Variants in GPR158 observed in about 807,000 individuals in gnomAD.
GPR158 encodes the protein G protein-coupled receptor 158.
Under a neutral mutation model 78.2 loss-of-function variants are expected in GPR158, and 30 were observed. The ratio of observed to expected loss-of-function variants is 0.38; its 90% CI spans 0.29 to 0.52. The LOEUF (loss-of-function observed/expected upper bound fraction) is 0.52, where lower values mean the gene tolerates loss of function less well. Ranked by LOEUF, GPR158 falls within the 20% of genes least tolerant of loss-of-function variation. The probability of loss-of-function intolerance (pLI) is 0.83; values close to 1 mark genes in which losing one functional copy is unlikely to be tolerated. For synonymous variants in GPR158, 581 were observed against 591.1 expected, an observed-to-expected ratio of 0.98 and a Z score of 0.25; for missense variants, 1,463 against 1,523.5, an observed-to-expected ratio of 0.96 and a Z score of 0.66.
chr10:25,192,588 C>T (rs1393985184), intron 1 of GPR158, among the ~76,000 whole-genome samples: 1 of 152,140 alleles, frequency 6.6e-6, no homozygotes, highest in African/African-American at 2.4e-5. Context: ...TATAGAATGC[C>T]TCTTACTGTT....
chr10:25,304,813 C>G (rs1480388221), intron 2 of GPR158, among the ~76,000 whole-genome samples: 1 of 152,122 alleles, frequency 6.6e-6, no homozygotes, highest in Non-Finnish European at 1.5e-5. Flanking sequence ...AGTCACAGGA[C>G]TATATATAAC....
At chr10:25,522,680 A>G (rs1588897585) in intron 5 of GPR158, among the ~76,000 whole-genome samples, 1 of 152,216 alleles carries the variant, frequency 6.6e-6, no homozygotes, top group East Asian at 1.9e-4. Flanking sequence ...ATACGCTTAT[A>G]TATTATTTAT....
At chr10:25,404,043 T>C (rs1023728069) in intron 3 of GPR158, among the ~76,000 whole-genome samples, 1 of 152,094 alleles carries the variant, frequency 6.6e-6, no homozygotes, top group East Asian at 1.9e-4. Flanking sequence ...TATGTAGTAG[T>C]AGTATGATTT....
chr10:25,352,544 A>G (rs1461014655), intron 2 of GPR158, among the ~76,000 whole-genome samples: 4 of 129,654 alleles, frequency 3.1e-5, no homozygotes, highest in Non-Finnish European at 6.1e-5. Context: ...ACTTTTGCTG[A>G]TTGGTTACTT....
intron 2 of GPR158, among the ~76,000 whole-genome samples, chr10:25,242,467 C>T (rs1853639851): frequency 6.6e-6 from 1 of 152,102 alleles, no homozygotes; most frequent in Non-Finnish European, 1.5e-5. Flanking sequence ...CAGATTTGTC[C>T]ATATGATTTT....
chr10:25,497,611 TA>T (rs1369271008), intron 5 of GPR158, among the ~76,000 whole-genome samples: 1 of 152,158 alleles, frequency 6.6e-6, no homozygotes, highest in Non-Finnish European at 1.5e-5. Flanking sequence ...CTATTCTCGG[TA>T]TTTAGTTTGT....
intron 2 of GPR158, among the ~76,000 whole-genome samples, chr10:25,375,139 A>G (rs562898932): frequency 6.6e-6 from 1 of 151,844 alleles, no homozygotes; most frequent in South Asian, 2.1e-4. Context: ...CTACTTGTGA[A>G]TGATGATGAA....
At chr10:25,244,896 T>G (rs371013388) in intron 2 of GPR158, 6 of 152,158 alleles carry the variant, frequency 3.9e-5, no homozygotes, top group African/African-American at 1.2e-4. Context: ...ACCTCTTTTC[T>G]CCTGGATTTC....
At chr10:25,365,242 ATAAACAATATTTAATTTTCTCCCCATT>A (rs6143831) in intron 2 of GPR158, among the ~76,000 whole-genome samples, 119,228 of 150,248 alleles carry the variant, frequency 0.79, 48,072 homozygotes, top group Non-Finnish European at 0.86. Flanking sequence ...TTTGTGAGTG[ATAAACAATATTTAATTTTCTCCCCATT>A]TAAACAATAT....
At chr10:25,590,370 G>A (rs1272453924) in intron 8 of GPR158, among the ~76,000 whole-genome samples, 2 of 152,068 alleles carry the variant, frequency 1.3e-5, no homozygotes, top group East Asian at 3.9e-4. Flanking sequence ...GAAGAGGAAG[G>A]AAAGATAAGA....
intron 2 of GPR158, among the ~76,000 whole-genome samples, chr10:25,361,954 A>T (rs1855647502): frequency 6.6e-6 from 1 of 151,834 alleles, no homozygotes; most frequent in East Asian, 1.9e-4. Flanking sequence ...TGTGTCCTTC[A>T]GTGCACAAAA....
chr10:25,280,142 C>T (rs1007545098), intron 2 of GPR158, among the ~76,000 whole-genome samples: 2 of 151,816 alleles, frequency 1.3e-5, no homozygotes, highest in Non-Finnish European at 2.9e-5. Flanking sequence ...TAATAAACAA[C>T]GGTAAAAATG....
intron 2 of GPR158, among the ~76,000 whole-genome samples, chr10:25,365,781 A>T (rs1455610567): frequency 6.6e-6 from 1 of 151,672 alleles, no homozygotes; most frequent in Non-Finnish European, 1.5e-5. Flanking sequence ...AAAAGCACAT[A>T]ATAAGTATAC....
At chr10:25,450,079 A>G (rs35548799) in intron 4 of GPR158, among the ~76,000 whole-genome samples, 8,551 of 152,102 alleles carry the variant, frequency 0.056, 522 homozygotes, top group African/African-American at 0.15. Context: ...CAGAAAAACA[A>G]AAAACTAAAA....
intron 2 of GPR158, among the ~76,000 whole-genome samples, chr10:25,228,613 G>A (rs992649528): frequency 6.6e-6 from 1 of 152,170 alleles, no homozygotes; most frequent in Non-Finnish European, 1.5e-5. Flanking sequence ...TGTAAGAAAG[G>A]CTTTCTGGCA....
intron 4 of GPR158, among the ~76,000 whole-genome samples, chr10:25,438,372 C>T (rs916652505): frequency 2.6e-5 from 4 of 152,134 alleles, no homozygotes; most frequent in Non-Finnish European, 4.4e-5. Flanking sequence ...AAAATATTGG[C>T]ATCGGTAGTT....
chr10:25,542,112 A>T (rs1836595616), intron 5 of GPR158, among the ~76,000 whole-genome samples: 1 of 151,892 alleles, frequency 6.6e-6, no homozygotes, highest in South Asian at 2.1e-4. Flanking sequence ...AGTACACAGT[A>T]ATCTTTTTTC....
intron 6 of GPR158, among the ~76,000 whole-genome samples, chr10:25,567,411 C>T (rs908803004): frequency 1.3e-5 from 2 of 152,090 alleles, no homozygotes; most frequent in Non-Finnish European, 2.9e-5. Context: ...TGGACCATCC[C>T]TCCAGAGTTT....
intron 2 of GPR158, among the ~76,000 whole-genome samples, chr10:25,358,603 C>T (rs1244125618): frequency 1.3e-5 from 2 of 152,064 alleles, no homozygotes; most frequent in South Asian, 2.1e-4. Context: ...TGACTTGCTC[C>T]TCCTTGCCTT....
Sources: allele counts gnomAD v4.1 joint callset (sites outside exome capture counted in the v4.1 genomes callset), GRCh38; gene constraint gnomAD v4.1.1; transcripts MANE v1.5; gene names NCBI Gene and HGNC (gene_info 2026-07-23, HGNC 2026-07-21).